Variants in LAMA2 observed in about 807,000 individuals in gnomAD.
LAMA2 encodes the protein laminin subunit alpha-2.
In LAMA2, 269 loss-of-function variants were observed where a neutral mutation model predicts 364.8. The ratio of observed to expected loss-of-function variants is 0.74; its 90% CI spans 0.67 to 0.82. LAMA2 has a LOEUF of 0.82. Among genes scored for constraint, LAMA2 ranks in the 40% least tolerant of loss-of-function variants. LAMA2 has a pLI of 0.00. For missense variants in LAMA2, 3,807 were observed against 3,873.2 expected (o/e 0.98, Z 0.45); for synonymous variants, 1,379 against 1,370.6 (o/e 1.01, Z -0.14).
At chr6:129,157,221 T>G (rs1273023288) in intron 8 of LAMA2, among the ~76,000 whole-genome samples, 1 of 152,100 alleles carries the variant, frequency 6.6e-6, no homozygotes, top group Admixed American at 6.5e-5. Flanking sequence ...TACCCAGAGC[T>G]TGACTGGAGA....
intron 1 of LAMA2, among the ~76,000 whole-genome samples, chr6:128,950,888 A>G (rs1433151446): frequency 6.6e-6 from 1 of 152,162 alleles, no homozygotes; most frequent in Non-Finnish European, 1.5e-5. Context: ...CCTGGTACCA[A>G]ATAAGCACTG....
Position 129,328,402 on chromosome 6 carries a change from C to T in LAMA2, c.4301C>T (p.Ser1434Leu), listed in dbSNP as rs368379507. 324 of 1,614,102 alleles carry T rather than the reference C, an allele frequency of 2.0e-4. 14 individuals are homozygous for T. In the South Asian group the frequency reaches 3.0e-3, roughly 15 times the overall value. ...GHSSLCDPET[S>L]ICQNCQHHTA... is the part of the protein sequence containing the mutation. ...AGCAGCCTGTGTGACCCTGAAACAT[C>T]GATATGCCAGGTAGTCCTCTGAGCC... The change falls in exon 29 of 65, where the codon TCG becomes TTG. Residue 1434 changes from serine to leucine, a missense_variant. Physicochemically the swap from Ser to Leu is moderately radical, Grantham distance 145 (BLOSUM62 -2). This residue lies in a region of LAMA2 where 3,333 missense variants were observed against 3,345.7 expected (regional missense o/e 1.00). Coordinates refer to ENST00000421865, the MANE Select transcript of LAMA2 (RefSeq NM_000426.4).
chr6:129,464,263 ATT>A, intron 49 of LAMA2, 25 bp from the exon 50 acceptor site: 1 of 1,593,532 alleles, frequency 6.3e-7, no homozygotes, highest in Non-Finnish European at 8.6e-7. Flanking sequence ...ATATGATCTG[ATT>A]CATGTGAAAT....
intron 1 of LAMA2, among the ~76,000 whole-genome samples, chr6:129,030,741 A>G (rs965243977): frequency 6.6e-6 from 1 of 152,160 alleles, no homozygotes; most frequent in Admixed American, 6.5e-5. Context: ...TTTTCCATGA[A>G]GAAGTTTTTT....
At chr6:128,895,294 C>G (rs1400755552) in intron 1 of LAMA2, among the ~76,000 whole-genome samples, 2 of 152,000 alleles carry the variant, frequency 1.3e-5, no homozygotes, top group African/African-American at 4.8e-5. Flanking sequence ...AGATAGTGTA[C>G]TTACCCACAG....
At chr6:129,044,049 T>A (rs1787291637) in intron 1 of LAMA2, among the ~76,000 whole-genome samples, 1 of 152,166 alleles carries the variant, frequency 6.6e-6, no homozygotes, top group Non-Finnish European at 1.5e-5. Context: ...CCAGTAAAAC[T>A]GTGGGTTTCT....
intron 2 of LAMA2, 61 bp downstream of exon 2, chr6:129,050,149 A>G: frequency 6.6e-7 from 1 of 1,524,920 alleles, no homozygotes; most frequent in Non-Finnish European, 9.1e-7. Flanking sequence ...TGAGATGTTG[A>G]GGCCAAGTTG....
chr6:129,339,988 C>T (rs190917860), intron 29 of LAMA2, among the ~76,000 whole-genome samples: 7 of 143,508 alleles, frequency 4.9e-5, no homozygotes, highest in East Asian at 2.0e-4. Context: ...GACTACAGAG[C>T]GAGACTGTCT....
chr6:129,126,368 GACTA>G (rs1196530386), intron 4 of LAMA2, among the ~76,000 whole-genome samples: 4 of 152,268 alleles, frequency 2.6e-5, no homozygotes, highest in Non-Finnish European at 2.9e-5. Context: ...AAACGTTGAT[GACTA>G]ACTATATTTT....
chr6:129,210,715 T>A (rs1277965526), intron 12 of LAMA2, among the ~76,000 whole-genome samples: 1 of 152,164 alleles, frequency 6.6e-6, no homozygotes, highest in Non-Finnish European at 1.5e-5. Context: ...GAGGTTATAA[T>A]TTTTTAGCAA....
At chr6:129,418,889 G>A (rs964356696) in intron 40 of LAMA2, among the ~76,000 whole-genome samples, 5 of 152,118 alleles carry the variant, frequency 3.3e-5, no homozygotes, top group East Asian at 3.9e-4. Context: ...ACAGATAAAA[G>A]TGGTATATAT....
intron 1 of LAMA2, among the ~76,000 whole-genome samples, chr6:129,025,478 C>A (rs1785747065): frequency 1.3e-5 from 2 of 152,026 alleles, no homozygotes; most frequent in African/African-American, 4.8e-5. Context: ...GATAGAGATA[C>A]CACGTTTTGC....
At chr6:129,305,799 G>T (rs764173664) in intron 22 of LAMA2, among the ~76,000 whole-genome samples, 1 of 150,654 alleles carries the variant, frequency 6.6e-6, no homozygotes, top group African/African-American at 2.4e-5. Flanking sequence ...ATTTGCTTTT[G>T]CTTGCCTTAT....
intron 2 of LAMA2, among the ~76,000 whole-genome samples, chr6:129,053,547 A>C (rs1788243379): frequency 6.6e-6 from 1 of 152,220 alleles, no homozygotes; most frequent in Non-Finnish European, 1.5e-5. Flanking sequence ...AAGGCAATAA[A>C]GGGAAACAGA....
intron 1 of LAMA2, among the ~76,000 whole-genome samples, chr6:128,969,848 T>C (rs183790598): frequency 6.6e-6 from 1 of 152,350 alleles, no homozygotes; most frequent in African/African-American, 2.4e-5. Flanking sequence ...GAACAACTGG[T>C]ATTTGTATGC....
At chr6:129,271,637 G>A (rs1252851968) in intron 17 of LAMA2, among the ~76,000 whole-genome samples, 1 of 151,878 alleles carries the variant, frequency 6.6e-6, no homozygotes. Flanking sequence ...TTACTCAAAA[G>A]TGATTATAAA....
At chr6:129,431,089 T>G (rs987485814) in intron 41 of LAMA2, among the ~76,000 whole-genome samples, 2 of 152,074 alleles carry the variant, frequency 1.3e-5, no homozygotes, top group East Asian at 3.9e-4. Flanking sequence ...ATTATTTAAT[T>G]ACTTAGAAAA....
intron 12 of LAMA2, among the ~76,000 whole-genome samples, chr6:129,232,056 A>T (rs1784697575): frequency 6.6e-6 from 1 of 152,104 alleles, no homozygotes; most frequent in Non-Finnish European, 1.5e-5. Flanking sequence ...GCATTATACG[A>T]AGTTCTTTCC....
chr6:129,462,214 G>A (rs886700753), intron 49 of LAMA2, among the ~76,000 whole-genome samples: 12 of 151,990 alleles, frequency 7.9e-5, no homozygotes, highest in African/African-American at 2.9e-4. Flanking sequence ...AGATGCAGTG[G>A]CCACATAGGT....
Sources: gnomAD v4.1 joint callset for allele counts (sites outside exome capture counted in the v4.1 genomes callset) on GRCh38, gnomAD v4.1.1 for gene constraint, gnomAD v4.1.1 regional missense constraint, MANE v1.5 for transcripts, NCBI Gene and HGNC (gene_info 2026-07-23, HGNC 2026-07-21) for gene names.